The following ABCA12 variants were observed in gnomAD, a reference collection of about 807,000 sequenced individuals.
ABCA12 encodes the protein glucosylceramide transporter ABCA12.
In ABCA12, 156 loss-of-function variants were observed where a neutral mutation model predicts 293.5. The ratio of observed to expected loss-of-function variants is 0.53; its 90% CI spans 0.47 to 0.61. The LOEUF is 0.61. ABCA12 is among the 20% of genes least tolerant of loss of function. ABCA12 has a pLI of 0.00. For synonymous variants in ABCA12, 1,063 were observed against 1,108.0 expected (o/e 0.96, Z 0.81); for missense variants, 2,797 against 3,090.2 (o/e 0.91, Z 2.25).
Position 215,045,858 on chromosome 2 carries a change from T to A in ABCA12, c.851A>T (p.Asp284Val), listed in dbSNP as rs1478413881. The change falls in exon 7 of 53, where the codon GAT becomes GTT. Residue 284 changes from aspartate (D) to valine (V), a missense_variant. Transcript: ENST00000272895. The stretch of plus-strand genomic sequence containing the variant: ...TTACCTGTTTGCCTTTCGAAGAACA[T>A]CAAATAGATTGCTTAGTGATGTGTC... ...QNDTSLSNLFDVLRKANSVLL... is the reference protein window; with the variant it reads ...QNDTSLSNLFVVLRKANSVLL... 1 of 1,613,412 alleles carries A rather than the reference T, an allele frequency of 6.2e-7. No homozygotes were observed. Among genetic ancestry groups the A allele is most frequent in the Non-Finnish European group, 8.5e-7 (1 of 1,179,694 alleles).
rs545040186 is a variant in ABCA12 at position 215,061,884 on chromosome 2, TA to T, written c.317+2181del. 4.2e-4 allele frequency among the ~76,000 whole-genome samples: 64 copies of T among 152,190 alleles called. 1 individual carries two copies. Among genetic ancestry groups the T allele is most frequent in the African/African-American group, 1.5e-3 (61 of 41,556 alleles). ...ACCCCATGAATTTGGTTGTCTATAA[TA>T]TTAGATAGACAAATACTTCTTTAGA... On this transcript the variant is annotated intron_variant, in intron 3 of 52. Transcript: ENST00000272895.
At chr2:215,017,330 G>T (rs2106010363) in intron 14 of ABCA12, among the ~76,000 whole-genome samples, 1 of 152,192 alleles carries the variant, frequency 6.6e-6, no homozygotes, top group African/African-American at 2.4e-5. Context: ...TAAAAGATAA[G>T]ACATTTTGAG....
chr2:214,982,984 G>A (rs971878013), intron 29 of ABCA12, among the ~76,000 whole-genome samples: 11 of 152,122 alleles, frequency 7.2e-5, no homozygotes, highest in Admixed American at 3.3e-4. Context: ...CCAGGAAAGC[G>A]GTCATTTGAC....
At chr2:214,948,763 G>C (rs1420808267) in intron 46 of ABCA12, 26 bp from the exon 47 acceptor site, 11 of 1,613,672 alleles carry the variant, frequency 6.8e-6, no homozygotes, top group Non-Finnish European at 9.3e-6. Context: ...CAAAAACACA[G>C]ATGAATTTCA....
chr2:215,130,218 T>G (rs1703024053), intron 1 of ABCA12, among the ~76,000 whole-genome samples: 1 of 149,956 alleles, frequency 6.7e-6, no homozygotes, highest in South Asian at 2.1e-4. Flanking sequence ...TTTCTCTTGG[T>G]TCTATGTAAA....
rs543468353 is a variant in ABCA12, at chr2:215,037,224, A to T, written c.873-159T>A. Among the ~76,000 whole-genome samples the T allele has an allele frequency of 5.9e-5, 9 of 152,334 alleles. No individual in the cohort carries two copies. The East Asian group carries it at 1.5e-3, about 26-fold the overall frequency. On this transcript the variant is annotated intron_variant, in intron 7 of 52. Transcript: ENST00000272895. ...AATTTAATTACTTGTTTGTCTGTTC[A>T]TGCACAAAATCTCAACAAAATATTC...
chr2:214,944,873 GTATA>G, intron 49 of ABCA12, 124 bp downstream of exon 49: 5 of 622,672 alleles, frequency 8.0e-6, no homozygotes, highest in Non-Finnish European at 1.1e-5. Flanking sequence ...TTGTATGTGT[GTATA>G]TATATATATA....
intron 1 of ABCA12, among the ~76,000 whole-genome samples, chr2:215,116,484 G>A (rs1289366408): frequency 6.6e-6 from 1 of 152,150 alleles, no homozygotes; most frequent in Non-Finnish European, 1.5e-5. Context: ...TGGATTTACT[G>A]CAAAGGGATT....
rs145680340 is a variant in ABCA12, at chr2:214,958,975, G to C, written c.5939+49C>G. On this transcript the variant is annotated intron_variant, in intron 40 of 52. Coordinates refer to ENST00000272895, the MANE Select transcript of ABCA12 (RefSeq NM_173076.3). The stretch of plus-strand genomic sequence containing the variant: ...TCCAATTACAGCACTTTATACAAAG[G>C]CTCAGCTATGTCAAGGAGAAAGTAG... The C allele has an allele frequency of 6.6e-3, 10,236 of 1,541,736 alleles. 58 individuals carry two copies. The highest frequency in any genetic ancestry group is 6.9e-3 in the Non-Finnish European group (7,707 of 1,114,402).
intron 49 of ABCA12, among the ~76,000 whole-genome samples, chr2:214,944,670 A>G (rs1559105155): frequency 6.6e-6 from 1 of 152,014 alleles, no homozygotes; most frequent in East Asian, 1.9e-4. Context: ...CAGACGAGTT[A>G]AGAGGGCCAT....
rs71041981 is a variant in ABCA12, at chr2:215,016,582, CAAAAAAAAAAAAAAAAA to C, written c.1783-936_1783-920del. On this transcript the variant is annotated intron_variant, in intron 14 of 52. Coordinates refer to ENST00000272895, the MANE Select transcript of ABCA12 (RefSeq NM_173076.3). Reference sequence around the variant, plus strand: ...TGGGCAACAGACCATGACTCTGTCTCAAAAAAAAAAAAAAAAAAAAAAAAAAAAAAAAGACTTTGCTC... The same window carrying C: ...TGGGCAACAGACCATGACTCTGTCTCAAAAAAAAAAAAAAAGACTTTGCTC... Among the ~76,000 whole-genome samples, 106 of 29,956 alleles carry C rather than the reference CAAAAAAAAAAAAAAAAA, an allele frequency of 3.5e-3. 3 individuals carry two copies. Among genetic ancestry groups the C allele is most frequent in the Admixed American group, 0.011 (15 of 1,342 alleles). The allele number at this position is 29,956 out of a possible 152,430, so 19.7% of individuals were successfully genotyped here.
At position 214,933,169 on chromosome 2, in the gene ABCA12, T is replaced by A. The variant is rs552084815; in HGVS notation, c.7681-428A>T. Among the ~76,000 whole-genome samples, 228 of 152,226 alleles carry A rather than the reference T, an allele frequency of 1.5e-3. 1 individual carries two copies. Among genetic ancestry groups the A allele is most frequent in the Non-Finnish European group, 2.6e-3 (178 of 68,012 alleles). On this transcript the variant is annotated intron_variant, in intron 52 of 52. Coordinates refer to ENST00000272895, the MANE Select transcript of ABCA12 (RefSeq NM_173076.3). ...TCACTAGTTTCAAGAGTTAATGCATTAAGATAAAATTTGTATAGAAAGCCC... is the reference window on the plus strand; with the variant it reads ...TCACTAGTTTCAAGAGTTAATGCATAAAGATAAAATTTGTATAGAAAGCCC...
intron 51 of ABCA12, among the ~76,000 whole-genome samples, chr2:214,935,352 T>C (rs1008417149): frequency 6.6e-6 from 1 of 152,174 alleles, no homozygotes; most frequent in Non-Finnish European, 1.5e-5. Context: ...GAGAATGTAA[T>C]TTCATCACTC....
At chr2:215,054,090 T>G (rs1468434851) in intron 4 of ABCA12, among the ~76,000 whole-genome samples, 1 of 151,974 alleles carries the variant, frequency 6.6e-6, no homozygotes, top group Non-Finnish European at 1.5e-5. Context: ...GAGGAAGAAG[T>G]GTACAGCTGA....
chr2:214,973,423 T>C (rs1346944610), intron 36 of ABCA12, among the ~76,000 whole-genome samples: 2 of 152,182 alleles, frequency 1.3e-5, no homozygotes, highest in African/African-American at 2.4e-5. Context: ...GGTGAACTGA[T>C]AGGCTTAGAA....
chr2:214,977,520 A>G (rs551515818), intron 33 of ABCA12, among the ~76,000 whole-genome samples: 8 of 152,318 alleles, frequency 5.3e-5, no homozygotes, highest in African/African-American at 9.6e-5. Context: ...CTGTAAGCAA[A>G]AACTGTTGAA....
chr2:214,945,535 ATTTG>A (rs1373172171), intron 48 of ABCA12, among the ~76,000 whole-genome samples: 17 of 152,322 alleles, frequency 1.1e-4, no homozygotes, highest in African/African-American at 3.6e-4. Flanking sequence ...ATTTCAGTTA[ATTTG>A]TTTGAGATAT....
chr2:214,986,410 G>A, intron 28 of ABCA12, 132 bp downstream of exon 28: 1 of 980,544 alleles, frequency 1.0e-6, no homozygotes, highest in South Asian at 1.4e-5. Context: ...TAGCATACAA[G>A]TTGAACCATC....
At chr2:214,951,164 T>C (rs958795168) in intron 44 of ABCA12, 81 bp from the exon 45 acceptor site, 14 of 1,236,028 alleles carry the variant, frequency 1.1e-5, no homozygotes, top group Non-Finnish European at 1.4e-5. Context: ...TGGGTTTTCA[T>C]GTCACTAACA....
Sources: allele counts gnomAD v4.1 joint callset (sites outside exome capture counted in the v4.1 genomes callset), GRCh38; gene constraint gnomAD v4.1.1; transcripts MANE v1.5; gene names NCBI Gene and HGNC (gene_info 2026-07-23, HGNC 2026-07-21).